Variants in UNC13C observed in about 807,000 individuals in gnomAD.
UNC13C encodes unc-13 homolog C.
Under a neutral mutation model 245.4 loss-of-function variants are expected in UNC13C, and 174 were observed. That is an observed-to-expected ratio of 0.71 (90% CI 0.63 to 0.80). The LOEUF (loss-of-function observed/expected upper bound fraction) is 0.80. UNC13C is among the 30% of genes least tolerant of loss of function. The pLI, the probability that UNC13C is intolerant of heterozygous loss-of-function variation, is 0.00. For missense variants in UNC13C, 2,829 were observed against 2,602.9 expected, an observed-to-expected ratio of 1.09 and a Z score of -1.89; for synonymous variants, 992 against 895.1, an observed-to-expected ratio of 1.11 and a Z score of -1.93.
Position 54,235,084 on chromosome 15 carries a change from A to C in UNC13C, c.3126A>C (p.Lys1042Asn). The change falls in exon 5 of 33, where the codon AAA becomes AAC. Residue 1042 changes from lysine (K) to asparagine (N), a missense_variant. Transcript: ENST00000260323. Reference sequence around the variant, plus strand: ...GCATGCCGGATCTTCGCAGAAAAAAAACTTTGCCTATTGTCCGAGATGTGG... The same window carrying C: ...GCATGCCGGATCTTCGCAGAAAAAACACTTTGCCTATTGTCCGAGATGTGG... ...IDSMPDLRRK[K>N]TLPIVRDVAM... The C allele has an allele frequency of 6.2e-7, 1 of 1,613,936 alleles. No individual in the cohort carries two copies. Among genetic ancestry groups the C allele is most frequent in the Non-Finnish European group, 8.5e-7 (1 of 1,179,864 alleles).
chr15:53,907,990 G>C, the UNC13C span, among the ~76,000 whole-genome samples: 33 of 146,898 alleles, frequency 2.2e-4, 3 homozygotes, highest in Admixed American at 2.3e-3. Context: ...TTAAATACAT[G>C]TATCTTGAAG....
At chr15:54,421,532 A>T (rs1353794920) in intron 19 of UNC13C, among the ~76,000 whole-genome samples, 3 of 152,002 alleles carry the variant, frequency 2.0e-5, no homozygotes, top group Non-Finnish European at 4.4e-5. Context: ...CCCATCCCAC[A>T]TCTACCTAAT....
chr15:54,597,895 T>C (rs937282347), intron 30 of UNC13C, among the ~76,000 whole-genome samples: 1 of 152,208 alleles, frequency 6.6e-6, no homozygotes, highest in African/African-American at 2.4e-5. Context: ...TTTTTCAAAA[T>C]TGAGGCATTA....
At chr15:54,134,717 G>T (rs1337538256) in intron 2 of UNC13C, among the ~76,000 whole-genome samples, 2 of 151,960 alleles carry the variant, frequency 1.3e-5, no homozygotes, top group Non-Finnish European at 2.9e-5. Flanking sequence ...TAGAGACGGG[G>T]TTTCACCAAA....
chr15:53,852,897 T>C, the UNC13C span, among the ~76,000 whole-genome samples: 2 of 152,110 alleles, frequency 1.3e-5, no homozygotes, highest in Admixed American at 1.3e-4. Context: ...GAAAGAAAAA[T>C]GTGTTATTTA....
the UNC13C span, among the ~76,000 whole-genome samples, chr15:53,944,135 T>G: frequency 3.9e-5 from 6 of 152,136 alleles, no homozygotes; most frequent in Non-Finnish European, 8.8e-5. Context: ...ACATTGAACA[T>G]AAAAGGCTTA....
Position 54,014,256 on chromosome 15 carries a change from C to A in UNC13C, c.1353C>A (p.Asp451Glu). ...IKKNNWQSPD[D>E]SDEDLESDLN... is the part of the protein sequence containing the mutation. ...AGAACAATTGGCAGTCACCTGATGA[C>A]AGTGATGAAGATCTTGAATCTGACC... Residue 451 changes from aspartate to glutamate, a missense_variant, in exon 2 of 33, where the codon GAC becomes GAA. Asp to Glu is a conservative substitution (Grantham distance 45). Transcript: ENST00000260323. The A allele has an allele frequency of 6.2e-7, 1 of 1,613,916 alleles. No individual in the cohort carries two copies. The highest frequency in any genetic ancestry group is 1.1e-5 in the South Asian group (1 of 91,074).
At chr15:54,116,369 A>G (rs1278113087) in intron 2 of UNC13C, among the ~76,000 whole-genome samples, 1 of 152,028 alleles carries the variant, frequency 6.6e-6, no homozygotes, top group East Asian at 1.9e-4. Flanking sequence ...ATGATGTCTT[A>G]TTTTTTGTCT....
chr15:54,036,486 TC>T (rs1401231056), intron 2 of UNC13C, among the ~76,000 whole-genome samples: 1 of 152,154 alleles, frequency 6.6e-6, no homozygotes, highest in East Asian at 1.9e-4. Context: ...CGCTCAAAAG[TC>T]GTTCTGTCTC....
chr15:54,385,759 C>T (rs2039824779), intron 17 of UNC13C, among the ~76,000 whole-genome samples: 1 of 151,434 alleles, frequency 6.6e-6, no homozygotes, highest in Admixed American at 6.6e-5. Context: ...TAATAAATAC[C>T]CCAAATATGC....
the UNC13C span, among the ~76,000 whole-genome samples, chr15:53,861,417 A>T: frequency 6.6e-6 from 1 of 151,854 alleles, no homozygotes; most frequent in African/African-American, 2.4e-5. Context: ...TCAACTCCAT[A>T]TTTTTTGCGT....
chr15:54,116,163 A>T (rs920831143), intron 2 of UNC13C, among the ~76,000 whole-genome samples: 2 of 152,116 alleles, frequency 1.3e-5, no homozygotes, highest in African/African-American at 4.8e-5. Flanking sequence ...ATAGATGTAC[A>T]TATTTTCAAG....
chr15:54,628,988 T>TATGTC (rs1435941870), downstream of UNC13C: 2 of 152,142 alleles, frequency 1.3e-5, no homozygotes, highest in African/African-American at 4.8e-5. Flanking sequence ...TATGCACGTA[T>TATGTC]ATGTCCACTG....
chr15:54,274,059 A>AT lies in UNC13C; in HGVS notation c.3818+8571dup, dbSNP rs979472972. Among the ~76,000 whole-genome samples, 550 of 151,898 alleles carry AT rather than the reference A, an allele frequency of 3.6e-3. 3 individuals carry two copies. The highest frequency in any genetic ancestry group is 0.013 in the African/African-American group (524 of 41,432). ...CTGAGGTAAATATGTAAGACACATG[A>AT]TTTTTTTTGCCCCAGAGCTTTCATT... On this transcript the variant is annotated intron_variant, in intron 10 of 32. Transcript: ENST00000260323.
At chr15:54,553,549 A>C (rs963166899) in intron 28 of UNC13C, among the ~76,000 whole-genome samples, 7 of 144,402 alleles carry the variant, frequency 4.8e-5, no homozygotes, top group African/African-American at 1.8e-4. Context: ...AAAATATTTC[A>C]TATAATCAGA....
At chr15:54,012,256 T>G (rs188684650) in intron 1 of UNC13C, among the ~76,000 whole-genome samples, 1 of 152,318 alleles carries the variant, frequency 6.6e-6, no homozygotes, top group South Asian at 2.1e-4. Context: ...GAGGGGAATA[T>G]ACATAGATTT....
At chr15:54,591,253 TC>T (rs1898772770) in intron 30 of UNC13C, among the ~76,000 whole-genome samples, 1 of 152,162 alleles carries the variant, frequency 6.6e-6, no homozygotes, top group Non-Finnish European at 1.5e-5. Flanking sequence ...TCTGTAGTTT[TC>T]TTTTTTGTGT....
the UNC13C span, among the ~76,000 whole-genome samples, chr15:53,859,233 T>C: frequency 6.6e-6 from 1 of 152,164 alleles, no homozygotes; most frequent in Non-Finnish European, 1.5e-5. Flanking sequence ...TAAAATAATG[T>C]TTTGTGATAG....
At chr15:54,585,009 G>A (rs181332574) in intron 30 of UNC13C, among the ~76,000 whole-genome samples, 1 of 152,326 alleles carries the variant, frequency 6.6e-6, no homozygotes, top group African/African-American at 2.4e-5. Context: ...CTATACTTTT[G>A]ATTCCCCATC....
Sources: gnomAD v4.1 joint callset for allele counts (sites outside exome capture counted in the v4.1 genomes callset) on GRCh38, gnomAD v4.1.1 for gene constraint, MANE v1.5 for transcripts, NCBI Gene and HGNC (gene_info 2026-07-23, HGNC 2026-07-21) for gene names.